Variants in PTCH1 observed in about 807,000 individuals in gnomAD.
The protein encoded by PTCH1 is patched 1.
A neutral mutation model predicts 144.6 loss-of-function variants in PTCH1; 14 were observed. That is an observed-to-expected ratio of 0.10 (90% CI 0.06 to 0.15). PTCH1 has a LOEUF of 0.15. PTCH1 is among the 10% of genes least tolerant of loss of function. The probability of loss-of-function intolerance (pLI) is 1.00; values close to 1 mark genes in which losing one functional copy is unlikely to be tolerated. For missense variants in PTCH1, 1,623 were observed against 1,948.3 expected, an observed-to-expected ratio of 0.83 and a Z score of 3.14; for synonymous variants, 833 against 793.6, an observed-to-expected ratio of 1.05 and a Z score of -0.83.
rs1304359323 is a variant in PTCH1, at chr9:95,449,367, C to T, written c.3550-44G>A. ...TGTTAAAAGTGTTCTTGTCCATTTACCTGCTGGCCACACTCAAAGCTCAAA... is the reference window on the plus strand; with the variant it reads ...TGTTAAAAGTGTTCTTGTCCATTTATCTGCTGGCCACACTCAAAGCTCAAA... On this transcript the variant is annotated intron_variant, in intron 21 of 23. Coordinates refer to ENST00000331920, the MANE Select transcript of PTCH1 (RefSeq NM_000264.5). This position sits in a 1 kb window ranked among gnomAD's most constrained non-coding sequence, Gnocchi z 5.3. 5 of 1,538,188 alleles carry T rather than the reference C, an allele frequency of 3.3e-6. No homozygotes were observed. The highest frequency in any genetic ancestry group is 1.2e-5 in the South Asian group (1 of 84,086).
chr9:95,474,243 G>C (rs1840840387), intron 12 of PTCH1: 2 of 324,880 alleles, frequency 6.2e-6, no homozygotes, highest in Non-Finnish European at 6.1e-6. Flanking sequence ...GAAAAGAAGG[G>C]GAGAGGAGAG....
intron 2 of PTCH1, among the ~76,000 whole-genome samples, chr9:95,497,063 C>A (rs1217708563): frequency 6.6e-6 from 1 of 152,214 alleles, no homozygotes; most frequent in Non-Finnish European, 1.5e-5. Context: ...AAGCCGTTTT[C>A]TCAGATCACT....
chr9:95,505,373 G>C (rs577013883), intron 2 of PTCH1, among the ~76,000 whole-genome samples: 116 of 152,310 alleles, frequency 7.6e-4, no homozygotes, highest in African/African-American at 2.7e-3. Flanking sequence ...GCCCAAAGTG[G>C]TGTTTAGGGT....
At chr9:95,474,896 A>G (rs1469708568) in intron 12 of PTCH1, among the ~76,000 whole-genome samples, 1 of 152,192 alleles carries the variant, frequency 6.6e-6, no homozygotes, top group Non-Finnish European at 1.5e-5. Context: ...CATCCTAACA[A>G]CAAGTGAAAA....
rs2118385984 is a variant in PTCH1 at position 95,479,951 on chromosome 9, C to T, written c.1067+18G>A. On this transcript the variant is annotated intron_variant, in intron 7 of 23. Transcript: ENST00000331920. ...AAGAAGACTACAGGGCATAGATTGTCCTCGGGAGCTGGCTTACCTGACGAG... is the reference window on the plus strand; with the variant it reads ...AAGAAGACTACAGGGCATAGATTGTTCTCGGGAGCTGGCTTACCTGACGAG... 3.7e-6 allele frequency: 6 copies of T among 1,614,128 alleles called. No homozygotes were observed. Among genetic ancestry groups the T allele is most frequent in the Non-Finnish European group, 4.2e-6 (5 of 1,180,034 alleles).
chr9:95,478,614 G>A (rs2118354646), intron 8 of PTCH1, among the ~76,000 whole-genome samples: 1 of 152,314 alleles, frequency 6.6e-6, no homozygotes, highest in South Asian at 2.1e-4. Flanking sequence ...CTCAGTAGAG[G>A]TCACTGCTTG....
At chr9:95,513,099 T>C (rs1428565474), upstream of PTCH1, among the ~76,000 whole-genome samples, 1 of 152,194 alleles carries the variant, frequency 6.6e-6, no homozygotes, top group Admixed American at 6.5e-5. Context: ...ATTTCAAAAA[T>C]GACATCAGAT....
intron 2 of PTCH1, chr9:95,494,543 C>T: frequency 1.2e-6 from 1 of 821,346 alleles, no homozygotes; most frequent in African/African-American, 1.9e-5. Context: ...TGGGAACTGT[C>T]CCAGGTTCTA....
At chr9:95,496,479 G>A (rs754587935) in intron 2 of PTCH1, among the ~76,000 whole-genome samples, 1 of 151,350 alleles carries the variant, frequency 6.6e-6, no homozygotes, top group African/African-American at 2.4e-5. Context: ...ATCAATTGGT[G>A]TGGGAAACAA....
chr9:95,488,187 C>A (rs1842115398), intron 2 of PTCH1, among the ~76,000 whole-genome samples: 2 of 152,164 alleles, frequency 1.3e-5, no homozygotes, highest in African/African-American at 4.8e-5. Context: ...CTCAGGGTCT[C>A]CATCATGTCC....
intron 5 of PTCH1, 59 bp downstream of exon 5, chr9:95,481,890 T>C: frequency 1.4e-6 from 2 of 1,400,536 alleles, no homozygotes; most frequent in Non-Finnish European, 2.0e-6. Context: ...ATAAGCAACA[T>C]TAGAAACACT....
In PTCH1 at chr9:95,508,772, C is replaced by T; in HGVS notation, c.-411G>A. 1 of 985,322 alleles carries T rather than the reference C, an allele frequency of 1.0e-6. No homozygotes were observed. The highest frequency in any genetic ancestry group is 1.2e-6 in the Non-Finnish European group (1 of 830,002). The allele number at this position is 985,322 out of a possible 1,614,324, so 61.0% of individuals were successfully genotyped here. On this transcript the variant is annotated 5_prime_UTR_variant, in exon 1 of 24. Transcript: ENST00000331920. ...CCGCCCCCCGCCCCGCGCCGCGACC[C>T]CTTCACTGCAGAAAGAGCCAGCGAA...
At chr9:95,455,955 A>T (rs1838881712) in intron 19 of PTCH1, among the ~76,000 whole-genome samples, 1 of 152,228 alleles carries the variant, frequency 6.6e-6, no homozygotes, top group Non-Finnish European at 1.5e-5. Flanking sequence ...AACAAACGTC[A>T]CAACGTCAGG....
At chr9:95,481,811 A>G in intron 5 of PTCH1, 138 bp downstream of exon 5, 1 of 836,998 alleles carries the variant, frequency 1.2e-6, no homozygotes, top group Non-Finnish European at 2.0e-6. Flanking sequence ...CCGACTATTC[A>G]CTCAAAAAAT....
chr9:95,463,936 C>A (rs997817090), intron 15 of PTCH1, among the ~76,000 whole-genome samples: 1 of 152,186 alleles, frequency 6.6e-6, no homozygotes, highest in African/African-American at 2.4e-5. Context: ...AGGTTCAACT[C>A]CAGCATCAAT....
chr9:95,460,811 G>A (rs1213969011), intron 16 of PTCH1, among the ~76,000 whole-genome samples: 1 of 152,042 alleles, frequency 6.6e-6, no homozygotes, highest in Non-Finnish European at 1.5e-5. Context: ...AGTATCCCTG[G>A]TCCCTCGCCC....
chr9:95,508,390 G>A lies in PTCH1; in HGVS notation c.-29C>T. 2 of 1,110,950 alleles carry A rather than the reference G, an allele frequency of 1.8e-6. No individual in the cohort carries two copies. Among genetic ancestry groups the A allele is most frequent in the East Asian group, 5.0e-5 (1 of 19,884 alleles). The allele number at this position is 1,110,950 out of a possible 1,614,324, so 68.8% of individuals were successfully genotyped here. A position where few individuals can be genotyped will look rare whatever the true frequency, so the allele number is the denominator to read the frequency against. On this transcript the variant is annotated 5_prime_UTR_variant, in exon 1 of 24. Coordinates refer to ENST00000331920, the MANE Select transcript of PTCH1 (RefSeq NM_000264.5). ...GCCGCCGCCGCCGCCGCCGCCGCGG[G>A]GACGGAGGCTTCCCGGGCGGCCCGG...
chr9:95,466,740 T>C (rs1336000936), intron 15 of PTCH1, among the ~76,000 whole-genome samples: 1 of 152,208 alleles, frequency 6.6e-6, no homozygotes, highest in Non-Finnish European at 1.5e-5. Flanking sequence ...TAAGCTATAA[T>C]TTGGCAATCA....
At chr9:95,479,529 G>A (rs1460266639) in intron 7 of PTCH1, among the ~76,000 whole-genome samples, 2 of 152,084 alleles carry the variant, frequency 1.3e-5, no homozygotes, top group Non-Finnish European at 2.9e-5. Flanking sequence ...AATCTTACAC[G>A]AAACGCCAGA....
Sources: gnomAD v4.1 joint callset for allele counts (sites outside exome capture counted in the v4.1 genomes callset) on GRCh38, gnomAD v4.1.1 for gene constraint, Gnocchi (gnomAD v3.1) non-coding constraint, MANE v1.5 for transcripts, NCBI Gene and HGNC (gene_info 2026-07-23, HGNC 2026-07-21) for gene names.